GPC5: variants seen among roughly 807,000 people sequenced by gnomAD.
GPC5 encodes the protein glypican-5.
A neutral mutation model predicts 53.9 loss-of-function variants in GPC5; 47 were observed. The ratio of observed to expected loss-of-function variants is 0.87; its 90% CI spans 0.69 to 1.11. The LOEUF (loss-of-function observed/expected upper bound fraction) is 1.11. Among genes scored for constraint, GPC5 ranks in the 50% most tolerant of loss-of-function variants. GPC5 has a pLI of 0.00. For synonymous variants in GPC5, 286 were observed against 263.3 expected (o/e 1.09, Z -0.84); for missense variants, 748 against 713.1 (o/e 1.05, Z -0.56).
intron 7 of GPC5, among the ~76,000 whole-genome samples, chr13:92,796,634 C>T (rs1435417858): frequency 2.6e-5 from 4 of 151,916 alleles, no homozygotes; most frequent in Non-Finnish European, 5.9e-5. Flanking sequence ...CTACCCTTAC[C>T]ATCCACCTTA....
intron 5 of GPC5, among the ~76,000 whole-genome samples, chr13:91,899,456 A>G (rs1009482596): frequency 6.6e-6 from 1 of 152,206 alleles, no homozygotes; most frequent in Non-Finnish European, 1.5e-5. Context: ...ATGGGAAAAT[A>G]GAATATGATT....
At chr13:92,334,667 T>A (rs2043310249) in intron 7 of GPC5, among the ~76,000 whole-genome samples, 1 of 152,132 alleles carries the variant, frequency 6.6e-6, no homozygotes, top group Non-Finnish European at 1.5e-5. Flanking sequence ...AGTTAGTTAC[T>A]TCCTAGACAC....
intron 7 of GPC5, among the ~76,000 whole-genome samples, chr13:92,432,054 T>A (rs1393677653): frequency 6.6e-6 from 1 of 152,094 alleles, no homozygotes. Flanking sequence ...CTTTGGGAAG[T>A]AATTTGGTTC....
At chr13:91,940,816 T>C (rs1487769301) in intron 6 of GPC5, among the ~76,000 whole-genome samples, 1 of 152,162 alleles carries the variant, frequency 6.6e-6, no homozygotes, top group Non-Finnish European at 1.5e-5. Context: ...TCTGTTCGTG[T>C]CCTTAGCCCA....
At chr13:91,413,268 G>A (rs1304924991) in intron 1 of GPC5, among the ~76,000 whole-genome samples, 1 of 152,090 alleles carries the variant, frequency 6.6e-6, no homozygotes. Flanking sequence ...GTGACAGAGA[G>A]TCTGTCTTAA....
At chr13:92,403,927 TATTTC>T (rs973488273) in intron 7 of GPC5, among the ~76,000 whole-genome samples, 31 of 152,244 alleles carry the variant, frequency 2.0e-4, no homozygotes, top group Middle Eastern at 3.4e-3. Flanking sequence ...TTGGAAAAAA[TATTTC>T]ATTTTCTTTT....
intron 7 of GPC5, among the ~76,000 whole-genome samples, chr13:92,433,808 G>A (rs953372570): frequency 3.3e-5 from 5 of 152,098 alleles, no homozygotes; most frequent in Non-Finnish European, 7.3e-5. Context: ...GAAAGAAATG[G>A]TTTGGGTACA....
intron 7 of GPC5, among the ~76,000 whole-genome samples, chr13:92,691,484 G>A (rs1165394552): frequency 6.7e-6 from 1 of 150,088 alleles, no homozygotes; most frequent in Non-Finnish European, 1.5e-5. Flanking sequence ...CTAGTGAGAT[G>A]AACCCGGTAC....
intron 2 of GPC5, among the ~76,000 whole-genome samples, chr13:91,572,801 A>G (rs1316947788): frequency 2.0e-5 from 3 of 152,158 alleles, no homozygotes; most frequent in Non-Finnish European, 4.4e-5. Context: ...ATAACCTTAT[A>G]CCAGCAGAAA....
chr13:92,814,632 G>C (rs113692892), intron 7 of GPC5, among the ~76,000 whole-genome samples: 9,719 of 150,826 alleles, frequency 0.064, 443 homozygotes, highest in Admixed American at 0.13. Context: ...TTGCACTCCA[G>C]CCAGGGTGAC....
intron 2 of GPC5, among the ~76,000 whole-genome samples, chr13:91,590,535 A>C (rs1358701435): frequency 6.6e-6 from 1 of 152,160 alleles, no homozygotes; most frequent in African/African-American, 2.4e-5. Context: ...CCCTTTACCC[A>C]GAAATAAATT....
intron 7 of GPC5, among the ~76,000 whole-genome samples, chr13:92,199,339 T>C (rs1220741990): frequency 6.6e-6 from 1 of 152,218 alleles, no homozygotes; most frequent in Non-Finnish European, 1.5e-5. Flanking sequence ...TCTGCGGGTT[T>C]AACTTATTCC....
At chr13:92,358,398 C>G (rs2043539802) in intron 7 of GPC5, among the ~76,000 whole-genome samples, 1 of 151,700 alleles carries the variant, frequency 6.6e-6, no homozygotes, top group African/African-American at 2.4e-5. Context: ...GTACATGGTG[C>G]AAGCTGTTGG....
intron 7 of GPC5, among the ~76,000 whole-genome samples, chr13:92,492,382 T>C (rs150994606): frequency 0.21 from 31,289 of 151,678 alleles, 3,265 homozygotes; most frequent in South Asian, 0.22. Flanking sequence ...ATAGGAGATA[T>C]ACCTAATGTA....
chr13:92,287,628 A>G (rs1238005891), intron 7 of GPC5, among the ~76,000 whole-genome samples: 2 of 152,142 alleles, frequency 1.3e-5, no homozygotes, highest in African/African-American at 4.8e-5. Flanking sequence ...AGTTCCTGGT[A>G]AGACACTGGC....
chr13:91,650,750 G>GTTTTGTTTTGTTTT (rs1555333961), intron 2 of GPC5, among the ~76,000 whole-genome samples: 8 of 99,642 alleles, frequency 8.0e-5, no homozygotes, highest in African/African-American at 3.2e-4. Flanking sequence ...ATTCCCATAA[G>GTTTTGTTTTGTTTT]TTTTTTTTTT....
intron 7 of GPC5, among the ~76,000 whole-genome samples, chr13:92,207,676 TTA>T: frequency 6.6e-6 from 1 of 152,338 alleles, no homozygotes; most frequent in Non-Finnish European, 1.5e-5. Flanking sequence ...TTCTCTTATT[TTA>T]GACAATTGTT....
At chr13:92,601,769 G>T (rs1001263826) in intron 7 of GPC5, among the ~76,000 whole-genome samples, 2 of 151,766 alleles carry the variant, frequency 1.3e-5, no homozygotes, top group Non-Finnish European at 2.9e-5. Flanking sequence ...AGACAAAATA[G>T]GAATTTAGCT....
intron 7 of GPC5, among the ~76,000 whole-genome samples, chr13:92,407,193 A>G (rs757721045): frequency 2.6e-5 from 4 of 152,182 alleles, no homozygotes; most frequent in Non-Finnish European, 5.9e-5. Flanking sequence ...ATCTGTTTCT[A>G]GGCTGATATA....
Sources: allele counts gnomAD v4.1 joint callset (sites outside exome capture counted in the v4.1 genomes callset), GRCh38; gene constraint gnomAD v4.1.1; transcripts MANE v1.5; gene names NCBI Gene and HGNC (gene_info 2026-07-23, HGNC 2026-07-21).